The following RBFOX1 variants were observed in gnomAD, a reference collection of about 807,000 sequenced individuals.
RBFOX1 encodes the protein RNA binding protein fox-1 homolog 1.
Under a neutral mutation model 57.7 loss-of-function variants are expected in RBFOX1, and 8 were observed. The ratio of observed to expected loss-of-function variants is 0.14; its 90% CI spans 0.08 to 0.25. The LOEUF (loss-of-function observed/expected upper bound fraction) is 0.25. Ranked by LOEUF, RBFOX1 falls within the 10% of genes least tolerant of loss-of-function variation. The probability of loss-of-function intolerance (pLI) is 1.00; values close to 1 mark genes in which losing one functional copy is unlikely to be tolerated. For missense variants in RBFOX1, 611 were observed against 548.5 expected, an observed-to-expected ratio of 1.11 and a Z score of -1.14; for synonymous variants, 326 against 222.4, an observed-to-expected ratio of 1.47 and a Z score of -4.15.
chr16:6,194,140 C>G (rs920324371), intron 1 of RBFOX1, among the ~76,000 whole-genome samples: 8 of 152,172 alleles, frequency 5.3e-5, no homozygotes, highest in Non-Finnish European at 1.2e-4. Context: ...CTCATCCTCT[C>G]TCAGTTGATG....
At chr16:7,275,929 G>A (rs1450846407) in intron 4 of RBFOX1, among the ~76,000 whole-genome samples, 1 of 152,120 alleles carries the variant, frequency 6.6e-6, no homozygotes, top group Non-Finnish European at 1.5e-5. Flanking sequence ...CCCCTTAGAA[G>A]TAATCTCCAA....
chr16:6,139,378 C>G (rs2096695065), intron 1 of RBFOX1, among the ~76,000 whole-genome samples: 1 of 152,214 alleles, frequency 6.6e-6, no homozygotes, highest in Non-Finnish European at 1.5e-5. Context: ...GCTGTGTGGT[C>G]TTGCCCAAGT....
intron 1 of RBFOX1, among the ~76,000 whole-genome samples, chr16:6,288,227 A>C (rs1215342012): frequency 1.3e-5 from 1 of 79,786 alleles, no homozygotes; most frequent in Non-Finnish European, 2.6e-5. Context: ...TGCTTATCAG[A>C]ATGGTGTGAA....
intron 4 of RBFOX1, among the ~76,000 whole-genome samples, chr16:7,495,782 A>C (rs1432726714): frequency 1.3e-5 from 2 of 152,208 alleles, no homozygotes; most frequent in African/African-American, 4.8e-5. Flanking sequence ...GGGTGCACCA[A>C]AATCTCAGAA....
intron 2 of RBFOX1, among the ~76,000 whole-genome samples, chr16:6,409,604 A>T (rs1183167616): frequency 6.6e-6 from 1 of 152,212 alleles, no homozygotes; most frequent in Non-Finnish European, 1.5e-5. Flanking sequence ...ATGATTTAAA[A>T]TACCCTGTGA....
chr16:7,168,554 C>CCA (rs2080043778), intron 4 of RBFOX1, among the ~76,000 whole-genome samples: 1 of 152,054 alleles, frequency 6.6e-6, no homozygotes, highest in Non-Finnish European at 1.5e-5. Flanking sequence ...AGAAAAATGG[C>CCA]CACACACAGA....
At chr16:6,861,493 C>CG (rs532449061) in intron 3 of RBFOX1, among the ~76,000 whole-genome samples, 9 of 151,428 alleles carry the variant, frequency 5.9e-5, no homozygotes, top group East Asian at 4.0e-4. Flanking sequence ...CCCCTCCCCC[C>CG]CCGACTCAAT....
chr16:7,335,885 A>G (rs906806439), intron 4 of RBFOX1, among the ~76,000 whole-genome samples: 2 of 152,180 alleles, frequency 1.3e-5, no homozygotes, highest in African/African-American at 4.8e-5. Flanking sequence ...CCAGCCAGGT[A>G]GAGAATGACA....
At chr16:6,409,811 T>C (rs1384855716) in intron 2 of RBFOX1, among the ~76,000 whole-genome samples, 1 of 152,216 alleles carries the variant, frequency 6.6e-6, no homozygotes, top group Non-Finnish European at 1.5e-5. Context: ...CCCTAGCTGC[T>C]TCATACACTG....
chr16:7,086,391 T>C (rs1361045937), intron 4 of RBFOX1, among the ~76,000 whole-genome samples: 1 of 152,200 alleles, frequency 6.6e-6, no homozygotes, highest in Non-Finnish European at 1.5e-5. Flanking sequence ...TGTTTTAATA[T>C]TAATTTCTTC....
intron 2 of RBFOX1, among the ~76,000 whole-genome samples, chr16:6,401,708 G>A (rs1389308472): frequency 6.6e-6 from 1 of 152,070 alleles, no homozygotes; most frequent in Non-Finnish European, 1.5e-5. Context: ...GTTCTTAGAC[G>A]CAGAGAACGA....
chr16:6,468,794 C>G (rs997010136), intron 2 of RBFOX1, among the ~76,000 whole-genome samples: 28 of 151,716 alleles, frequency 1.8e-4, no homozygotes, highest in Non-Finnish European at 7.4e-5. Context: ...ATTTTTTAGT[C>G]TTTTATTTTA....
At chr16:7,442,266 G>A (rs563425087) in intron 4 of RBFOX1, among the ~76,000 whole-genome samples, 1 of 152,274 alleles carries the variant, frequency 6.6e-6, no homozygotes, top group South Asian at 2.1e-4. Flanking sequence ...CCCCAAGCGA[G>A]AAGCTGGCCA....
At chr16:5,758,253 A>C (rs1322747147) in intron 3 of RBFOX1, among the ~76,000 whole-genome samples, 4 of 151,140 alleles carry the variant, frequency 2.6e-5, no homozygotes, top group African/African-American at 9.8e-5. Flanking sequence ...TCATGGGGGG[A>C]AAAAGTTGAA....
intron 3 of RBFOX1, among the ~76,000 whole-genome samples, chr16:6,722,200 T>G (rs1442775549): frequency 6.6e-6 from 1 of 152,172 alleles, no homozygotes; most frequent in Non-Finnish European, 1.5e-5. Flanking sequence ...ATATTTCTAG[T>G]TTTAAGTTTT....
chr16:7,579,828 G>C lies in RBFOX1; in HGVS notation c.322G>C (p.Glu108Gln), dbSNP rs771438834. The C allele has an allele frequency of 3.7e-6, 6 of 1,613,940 alleles. No individual in the cohort carries two copies. The African/African-American group carries it at 4.0e-5, about 11-fold the overall frequency. The change falls in exon 6 of 16, where the codon GAA (glutamate) becomes CAA (glutamine). Residue 108 changes from glutamate (E) to glutamine (Q), a missense_variant. Physicochemically the swap from Glu to Gln is conservative, Grantham distance 29. Coordinates refer to ENST00000550418, the MANE Select transcript of RBFOX1 (RefSeq NM_018723.4). ...TDGQPQTQPS[E>Q]NTENKSQPKR... ...TGGCCAGCCCCAGACACAACCTTCT[G>C]AAAACACGGAAAACAAGTCTCAGCC...
At position 5,395,419 on chromosome 16, in the gene RBFOX1, C is replaced by T. The variant is rs1005317830; in HGVS notation, c.220-71797C>T. Among the ~76,000 whole-genome samples, 6 of 151,414 alleles carry T rather than the reference C, an allele frequency of 4.0e-5. No individual in the cohort carries two copies. The South Asian group carries it at 6.2e-4, about 16-fold the overall frequency. On this transcript the variant is annotated intron_variant, in intron 1 of 2. Coordinates refer to the RBFOX1 transcript ENST00000585867. ...GGCCAGTGATGGGTTCTGTGAATAACGCAGTTGCGGGTGAGGTCATGGGCC... is the reference window on the plus strand; with the variant it reads ...GGCCAGTGATGGGTTCTGTGAATAATGCAGTTGCGGGTGAGGTCATGGGCC...
intron 2 of RBFOX1, among the ~76,000 whole-genome samples, chr16:6,437,111 T>A (rs1239912525): frequency 1.2e-4 from 18 of 152,164 alleles, no homozygotes; most frequent in Admixed American, 1.1e-3. Flanking sequence ...AGGCGATCGT[T>A]TCCTCCCATC....
intron 4 of RBFOX1, among the ~76,000 whole-genome samples, chr16:7,336,604 C>T (rs969081961): frequency 3.9e-5 from 6 of 152,124 alleles, no homozygotes; most frequent in Non-Finnish European, 1.5e-5. Context: ...GTAGGTAAAC[C>T]CCAACTATAA....
Sources: gnomAD v4.1 joint callset for allele counts (sites outside exome capture counted in the v4.1 genomes callset) on GRCh38, gnomAD v4.1.1 for gene constraint, MANE v1.5 for transcripts, NCBI Gene and HGNC (gene_info 2026-07-23, HGNC 2026-07-21) for gene names.